Variants in CELF1 observed in about 807,000 individuals in gnomAD.
CELF1 encodes the protein 50 kDa nuclear polyadenylated RNA-binding protein.
In CELF1, 10 loss-of-function variants were observed where a neutral mutation model predicts 61.8. The ratio of observed to expected loss-of-function variants is 0.16; its 90% CI spans 0.10 to 0.27. The LOEUF is 0.27. Ranked by LOEUF, CELF1 falls within the 10% of genes least tolerant of loss-of-function variation. CELF1 has a pLI of 1.00. For synonymous variants in CELF1, 236 were observed against 225.1 expected, an observed-to-expected ratio of 1.05 and a Z score of -0.43; for missense variants, 380 against 639.1, an observed-to-expected ratio of 0.59 and a Z score of 4.37.
At chr11:47,535,148 C>T (rs185681249) in intron 1 of CELF1, among the ~76,000 whole-genome samples, 5 of 152,194 alleles carry the variant, frequency 3.3e-5, no homozygotes, top group Middle Eastern at 3.4e-3. Flanking sequence ...AGCTACCCTA[C>T]GCCTGATCCA....
chr11:47,474,588 T>C (rs1252730866), intron 13 of CELF1, among the ~76,000 whole-genome samples: 1 of 152,246 alleles, frequency 6.6e-6, no homozygotes, highest in Non-Finnish European at 1.5e-5. Context: ...ATTCTCCTAC[T>C]ACCACATCCC....
At chr11:47,511,841 A>G (rs2095207594) in intron 1 of CELF1, among the ~76,000 whole-genome samples, 1 of 151,976 alleles carries the variant, frequency 6.6e-6, no homozygotes, top group Non-Finnish European at 1.5e-5. Flanking sequence ...GCTAAGGGCC[A>G]TAAAGTTGAG....
intron 12 of CELF1, 41 bp from the exon 13 acceptor site, chr11:47,475,562 T>A (rs1319533460): frequency 6.3e-7 from 1 of 1,590,050 alleles, no homozygotes; most frequent in African/African-American, 1.3e-5. Context: ...CTAGAAAGAC[T>A]AAACTGATGC....
At chr11:47,532,024 C>T (rs545700771) in intron 1 of CELF1, among the ~76,000 whole-genome samples, 50 of 151,902 alleles carry the variant, frequency 3.3e-4, no homozygotes, top group Admixed American at 2.9e-3. Flanking sequence ...ATTACAACTG[C>T]TCTTATTTTT....
intron 3 of CELF1, chr11:47,496,066 G>C (rs1054422334): frequency 1.1e-6 from 1 of 909,546 alleles, no homozygotes; most frequent in African/African-American, 1.8e-5. Context: ...GAACAGAAGT[G>C]CGTGAGAATA....
intron 11 of CELF1, 91 bp downstream of exon 11, chr11:47,477,206 G>A (rs1342224670): frequency 3.6e-6 from 5 of 1,406,360 alleles, no homozygotes; most frequent in Admixed American, 2.0e-5. Context: ...GGAAACAGGT[G>A]TTAACTATTT....
At chr11:47,558,911 AAC>A (rs2097217086) in intron 2 of CELF1, among the ~76,000 whole-genome samples, 8 of 137,292 alleles carry the variant, frequency 5.8e-5, no homozygotes. Context: ...TACAATATAT[AAC>A]ACATAATATA....
intron 1 of CELF1, among the ~76,000 whole-genome samples, chr11:47,531,437 C>G (rs1368153603): frequency 6.6e-6 from 1 of 151,990 alleles, no homozygotes; most frequent in Admixed American, 6.6e-5. Flanking sequence ...GGCGTGGTGG[C>G]ACTCGCCTAT....
intron 8 of CELF1, 50 bp downstream of exon 8, chr11:47,483,403 C>T: frequency 6.9e-7 from 1 of 1,453,772 alleles, no homozygotes. Context: ...GCCAACTGTC[C>T]CAGCATTCCC....
intron 1 of CELF1, among the ~76,000 whole-genome samples, chr11:47,552,386 C>G (rs1210971599): frequency 6.6e-6 from 1 of 152,256 alleles, no homozygotes; most frequent in Non-Finnish European, 1.5e-5. Flanking sequence ...ATGTGCTCCT[C>G]CCGCTCCCGG....
At chr11:47,499,819 T>C in intron 2 of CELF1, 1 of 355,290 alleles carries the variant, frequency 2.8e-6, no homozygotes. Flanking sequence ...GAAGCAGTAC[T>C]AAGTGCACTG....
At chr11:47,510,195 T>C (rs758509415) in intron 1 of CELF1, among the ~76,000 whole-genome samples, 4 of 152,078 alleles carry the variant, frequency 2.6e-5, no homozygotes, top group Non-Finnish European at 5.9e-5. Flanking sequence ...TCATAAGAAG[T>C]TTTTTAACTT....
chr11:47,548,285 T>A (rs1484170229), intron 1 of CELF1, among the ~76,000 whole-genome samples: 1 of 151,478 alleles, frequency 6.6e-6, no homozygotes, highest in African/African-American at 2.4e-5. Context: ...GGTGACAGAG[T>A]GAGACTCCGT....
Position 47,472,177 on chromosome 11 carries a change from C to T in CELF1, c.*53G>A. 1 of 1,603,460 alleles carries T rather than the reference C, an allele frequency of 6.2e-7. No individual in the cohort carries two copies. Among genetic ancestry groups the T allele is most frequent in the Non-Finnish European group, 8.5e-7 (1 of 1,172,954 alleles). Reference sequence around the variant, plus strand: ...AGGGCTTCGAATCATTAAGGGTGCTCCTCCCCCACTTACCAGAAGACCCTC... The same window carrying T: ...AGGGCTTCGAATCATTAAGGGTGCTTCTCCCCCACTTACCAGAAGACCCTC... On this transcript the variant is annotated 3_prime_UTR_variant, in exon 15 of 15. Coordinates refer to ENST00000687097, the MANE Select transcript of CELF1 (RefSeq NM_001376376.1).
At chr11:47,552,000 C>T (rs1015421116) in intron 1 of CELF1, among the ~76,000 whole-genome samples, 5 of 143,096 alleles carry the variant, frequency 3.5e-5, no homozygotes, top group African/African-American at 5.2e-5. Flanking sequence ...GCAACAAGAG[C>T]GAAACTCCGT....
At chr11:47,542,559 G>A (rs996128682) in intron 1 of CELF1, among the ~76,000 whole-genome samples, 1 of 146,894 alleles carries the variant, frequency 6.8e-6, no homozygotes, top group South Asian at 2.1e-4. Context: ...GTGTAGTGGC[G>A]TGATCTCAGT....
At chr11:47,479,986 C>T (rs1197664995) in intron 9 of CELF1, among the ~76,000 whole-genome samples, 12 of 152,036 alleles carry the variant, frequency 7.9e-5, no homozygotes, top group Non-Finnish European at 1.8e-4. Context: ...CCAACTCCTC[C>T]AGGACAGTAG....
At chr11:47,552,690 G>A (rs1228313315) in intron 1 of CELF1, among the ~76,000 whole-genome samples, 2 of 152,220 alleles carry the variant, frequency 1.3e-5, no homozygotes, top group Non-Finnish European at 2.9e-5. Flanking sequence ...CGAGGCCTCT[G>A]AGCCTAGAGA....
At chr11:47,496,065 T>C in intron 3 of CELF1, 1 of 912,956 alleles carries the variant, frequency 1.1e-6, no homozygotes, top group Non-Finnish European at 1.3e-6. Context: ...GGAACAGAAG[T>C]GCGTGAGAAT....
Sources: gnomAD v4.1 joint callset for allele counts (sites outside exome capture counted in the v4.1 genomes callset) on GRCh38, gnomAD v4.1.1 for gene constraint, MANE v1.5 for transcripts, NCBI Gene and HGNC (gene_info 2026-07-23, HGNC 2026-07-21) for gene names.